AIDA: variants seen among roughly 807,000 people sequenced by gnomAD.
AIDA encodes axin interactor, dorsalization associated.
Under a neutral mutation model 42.7 loss-of-function variants are expected in AIDA, and 18 were observed. The observed-to-expected ratio is 0.42, with a 90% CI of 0.29 to 0.63. AIDA has a LOEUF of 0.63. AIDA is among the 20% of genes least tolerant of loss of function. The pLI, the probability that AIDA is intolerant of heterozygous loss-of-function variation, is 0.19. For missense variants in AIDA, 250 were observed against 354.1 expected, an observed-to-expected ratio of 0.71 and a Z score of 2.36; for synonymous variants, 104 against 122.9, an observed-to-expected ratio of 0.85 and a Z score of 1.02.
Position 222,703,160 on chromosome 1 carries a change from T to C in AIDA, c.168A>G (p.Thr56=). 6.2e-7 allele frequency: 1 copy of C among 1,606,714 alleles called. No individual in the cohort carries two copies. Among genetic ancestry groups the C allele is most frequent in the Non-Finnish European group, 8.5e-7 (1 of 1,177,416 alleles). The change falls in exon 2 of 10, where the codon ACA becomes ACG. Residue 56 remains threonine (T), a synonymous_variant. Transcript: ENST00000340020. ...AQAQHNNSEF[T]EEQKKTIGKI... is the part of the protein sequence containing the mutation. The stretch of plus-strand genomic sequence containing the variant: ...TATTTTATGGTACCTTTTGTTCTTC[T>C]GTGAATTCAGAATTATTGTGTTGAG...
chr1:222,711,862 G>A (rs1000095755), intron 1 of AIDA: 2 of 259,364 alleles, frequency 7.7e-6, no homozygotes, highest in Middle Eastern at 1.4e-3. Flanking sequence ...GGGAGAGGAG[G>A]AGGAAAGGAA....
chr1:222,701,135 G>A (rs1247511042), intron 2 of AIDA, among the ~76,000 whole-genome samples: 2 of 152,052 alleles, frequency 1.3e-5, no homozygotes, highest in Non-Finnish European at 2.9e-5. Context: ...CCTAATTTTT[G>A]TATTTTCAGT....
At chr1:222,697,585 T>C (rs995751367) in intron 2 of AIDA, among the ~76,000 whole-genome samples, 35 of 151,870 alleles carry the variant, frequency 2.3e-4, no homozygotes, top group South Asian at 1.2e-3. Flanking sequence ...AATTGGAAAA[T>C]GCTTTCATTT....
At position 222,692,656 on chromosome 1, in the gene AIDA, T is replaced by C. The variant is rs1036939945; in HGVS notation, c.289+1133A>G. The stretch of plus-strand genomic sequence containing the variant: ...TTCACAATCTCTTTGAGGAGTGAAA[T>C]GAATACAGGGCAAACAATGAAGATG... On this transcript the variant is annotated intron_variant, in intron 4 of 9. Transcript: ENST00000340020. Among the ~76,000 whole-genome samples the C allele has an allele frequency of 6.6e-5, 10 of 152,200 alleles. No homozygotes were observed. The South Asian group carries it at 8.3e-4, about 13-fold the overall frequency.
Position 222,703,206 on chromosome 1 carries a change from T to C in AIDA, c.122A>G (p.His41Arg). The C allele has an allele frequency of 1.2e-6, 2 of 1,608,156 alleles. No individual in the cohort carries two copies. Among genetic ancestry groups the C allele is most frequent in the Non-Finnish European group, 1.7e-6 (2 of 1,178,046 alleles). ...AIDEYQILAR[H>R]LQKEAQAQHN... ...TTGAGCTTGGGCCTCCTTTTGTAGA[T>C]GTCTTGCTAATCTGTAAGAAGAAAA... The change falls in exon 2 of 10, where the codon CAT becomes CGT. Residue 41 changes from histidine to arginine, a missense_variant. Physicochemically the swap from His to Arg is conservative, Grantham distance 29. This residue lies in a region of AIDA where 199 missense variants were observed against 232.6 expected (regional missense o/e 0.86). Transcript: ENST00000340020.
chr1:222,712,219 G>A lies in AIDA; in HGVS notation c.99C>T (p.Asp33=). 6 of 1,601,508 alleles carry A rather than the reference G, an allele frequency of 3.7e-6. No homozygotes were observed. The highest frequency in any genetic ancestry group is 1.7e-5 in the Admixed American group (1 of 59,126). ...GGTTAGTCACTCACATCTGATACTC[G>A]TCTATCGCCTCCACCAGCTGGCCCC... ...DSWGQLVEAI[D]EYQILARHLQ... is the part of the protein sequence containing the mutation. The change falls in exon 1 of 10, where the codon GAC becomes GAT. Residue 33 remains aspartate (D), a synonymous_variant. Coordinates refer to ENST00000340020, the MANE Select transcript of AIDA (RefSeq NM_022831.4).
intron 6 of AIDA, among the ~76,000 whole-genome samples, chr1:222,680,197 C>A (rs917914836): frequency 6.6e-6 from 1 of 152,112 alleles, no homozygotes; most frequent in South Asian, 2.1e-4. Flanking sequence ...GGTCTTTGAG[C>A]CTCATATGGC....
In AIDA at chr1:222,712,302, G is replaced by C. The variant is rs750340268; in HGVS notation, c.16C>G (p.Arg6Gly). Reference sequence around the variant, plus strand: ...GCGCCCCAGCGCTGCAGCAGACTCCGGGTCACCTCCGACATGGCCGGTCCC... The same window carrying C: ...GCGCCCCAGCGCTGCAGCAGACTCCCGGTCACCTCCGACATGGCCGGTCCC... Reference protein sequence around the residue: MSEVTRSLLQRWGASF... With the variant: MSEVTGSLLQRWGASF... Residue 6 changes from arginine to glycine, a missense_variant, in exon 1 of 10, where the codon CGG (arginine) becomes GGG (glycine). Transcript: ENST00000340020. 3 of 1,568,690 alleles carry C rather than the reference G, an allele frequency of 1.9e-6. No homozygotes were observed. The highest frequency in any genetic ancestry group is 2.3e-5 in the South Asian group (2 of 86,032).
intron 4 of AIDA, among the ~76,000 whole-genome samples, chr1:222,691,522 T>C (rs1655373376): frequency 6.6e-6 from 1 of 152,084 alleles, no homozygotes; most frequent in Non-Finnish European, 1.5e-5. Context: ...TATAACTCAT[T>C]CTCTACCACT....
In AIDA at chr1:222,670,920, G is replaced by C. The variant is rs144413077; in HGVS notation, c.707-670C>G. Among the ~76,000 whole-genome samples the C allele has an allele frequency of 6.8e-3, 1,029 of 152,266 alleles. 8 individuals carry two copies. Among genetic ancestry groups the C allele is most frequent in the Non-Finnish European group, 0.011 (763 of 68,010 alleles). On this transcript the variant is annotated intron_variant, in intron 8 of 9. Coordinates refer to ENST00000340020, the MANE Select transcript of AIDA (RefSeq NM_022831.4). Reference sequence around the variant, plus strand: ...TCCTCCAATGAGCAAGTGATAATGAGAAATTTAGACAGTTCTGGCCGGGTG... The same window carrying C: ...TCCTCCAATGAGCAAGTGATAATGACAAATTTAGACAGTTCTGGCCGGGTG...
intron 2 of AIDA, among the ~76,000 whole-genome samples, chr1:222,700,983 G>GGGGGA (rs35424886): frequency 1.6e-5 from 2 of 126,490 alleles, no homozygotes; most frequent in Admixed American, 7.7e-5. Context: ...GGGGGGGGGG[G>GGGGGA]ACAGGGTCTC....
rs928819807 is a variant in AIDA at position 222,712,490 on chromosome 1, T to G, written c.-173A>C. Reference sequence around the variant, plus strand: ...CCCATTTGCCGCCACAGCCAAACTTTGCGGCTCCAAAGCGACCGCCCCGCC... The same window carrying G: ...CCCATTTGCCGCCACAGCCAAACTTGGCGGCTCCAAAGCGACCGCCCCGCC... On this transcript the variant is annotated 5_prime_UTR_variant, in exon 1 of 10. Coordinates refer to ENST00000340020, the MANE Select transcript of AIDA (RefSeq NM_022831.4). 11 of 1,408,852 alleles carry G rather than the reference T, an allele frequency of 7.8e-6. No homozygotes were observed. The highest frequency in any genetic ancestry group is 9.2e-6 in the Non-Finnish European group (10 of 1,084,420). 87.3% of individuals were successfully genotyped at this position (1,408,852 alleles called of 1,614,324 possible).
intron 6 of AIDA, among the ~76,000 whole-genome samples, chr1:222,681,850 G>A (rs1664659176): frequency 1.3e-5 from 2 of 152,118 alleles, no homozygotes; most frequent in African/African-American, 4.8e-5. Context: ...CCAGCAATCA[G>A]TACCACTCTC....
intron 1 of AIDA, 135 bp from the exon 2 acceptor site, chr1:222,703,352 C>G (rs1655761083): frequency 2.1e-6 from 1 of 485,478 alleles, no homozygotes; most frequent in South Asian, 4.1e-5. Context: ...CATTGAGAAC[C>G]AAATTCTTCT....
Position 222,676,861 on chromosome 1 carries a change from A to G in AIDA, c.461-643T>C, listed in dbSNP as rs928625914. On this transcript the variant is annotated intron_variant, in intron 6 of 9. Coordinates refer to ENST00000340020, the MANE Select transcript of AIDA (RefSeq NM_022831.4). ...TTACAACTTAATAATTGTGTATTTAATGGAATAATTTTACAGTCTAATTTC... is the reference window on the plus strand; with the variant it reads ...TTACAACTTAATAATTGTGTATTTAGTGGAATAATTTTACAGTCTAATTTC... 2.0e-5 allele frequency among the ~76,000 whole-genome samples: 3 copies of G among 151,952 alleles called. No homozygotes were observed. In the East Asian group the frequency reaches 5.8e-4, roughly 29 times the overall value.
chr1:222,684,210 C>T (rs565045686), intron 6 of AIDA, among the ~76,000 whole-genome samples: 2 of 151,972 alleles, frequency 1.3e-5, no homozygotes, highest in South Asian at 4.1e-4. Flanking sequence ...CTCCCAGGTT[C>T]CAGCAATTCT....
At chr1:222,693,667 TCA>T in intron 4 of AIDA, 120 bp downstream of exon 4, 1 of 759,542 alleles carries the variant, frequency 1.3e-6, no homozygotes, top group African/African-American at 1.7e-5. Flanking sequence ...ACCCAAAAAA[TCA>T]CATAGGACTA....
Position 222,712,298 on chromosome 1 carries a change from C to T in AIDA, c.20G>A (p.Ser7Asn). 6.4e-7 allele frequency: 1 copy of T among 1,570,484 alleles called. No individual in the cohort carries two copies. Among genetic ancestry groups the T allele is most frequent in the Non-Finnish European group, 8.6e-7 (1 of 1,157,770 alleles). Residue 7 changes from serine (S) to asparagine (N), a missense_variant, in exon 1 of 10, where the codon AGT becomes AAT. Around this residue, in one of 4 missense-constraint regions of AIDA, gnomAD observed 14 missense variants for 20.1 expected, o/e 0.70. Coordinates refer to ENST00000340020, the MANE Select transcript of AIDA (RefSeq NM_022831.4). ...ACTGGCGCCCCAGCGCTGCAGCAGA[C>T]TCCGGGTCACCTCCGACATGGCCGG... The part of the protein sequence containing the change: MSEVTR[S>N]LLQRWGASFR...
chr1:222,687,464 C>A, intron 5 of AIDA, 131 bp downstream of exon 5: 3 of 772,438 alleles, frequency 3.9e-6, no homozygotes, highest in Admixed American at 6.4e-5. Context: ...AAATAAAATG[C>A]TGATATACTG....
Sources: allele counts gnomAD v4.1 joint callset (sites outside exome capture counted in the v4.1 genomes callset), GRCh38; gene constraint gnomAD v4.1.1; regional missense constraint gnomAD v4.1.1; transcripts MANE v1.5; gene names NCBI Gene and HGNC (gene_info 2026-07-23, HGNC 2026-07-21).